LPL: variants seen among roughly 807,000 people sequenced by gnomAD.
The protein encoded by LPL is phospholipase A1.
In LPL, 43 loss-of-function variants were observed where a neutral mutation model predicts 52.2. The ratio of observed to expected loss-of-function variants is 0.82; its 90% CI spans 0.64 to 1.06. The LOEUF (loss-of-function observed/expected upper bound fraction) is 1.06, where lower values mean the gene tolerates loss of function less well. LPL is among the 50% of genes least tolerant of loss of function. LPL has a pLI of 0.00. For synonymous variants in LPL, 244 were observed against 215.6 expected (o/e 1.13, Z -1.15); for missense variants, 639 against 585.3 (o/e 1.09, Z -0.95).
intron 9 of LPL, among the ~76,000 whole-genome samples, chr8:19,964,959 C>T (rs1343462990): frequency 1.3e-5 from 2 of 152,240 alleles, no homozygotes; most frequent in African/African-American, 4.8e-5. Flanking sequence ...CTCACACCTT[C>T]TGCTAACTCC....
rs185670596 is a variant in LPL at position 19,940,900 on chromosome 8, G to C, written c.88+1372G>C. On this transcript the variant is annotated intron_variant, in intron 1 of 9. Transcript: ENST00000650287. Reference sequence around the variant, plus strand: ...GAGCCCAGAAGTTCGAAATCAGCCTGGGCAACATAGGGAGACACCGTCTCT... The same window carrying C: ...GAGCCCAGAAGTTCGAAATCAGCCTCGGCAACATAGGGAGACACCGTCTCT... Among the ~76,000 whole-genome samples the C allele has an allele frequency of 7.7e-3, 1,172 of 152,236 alleles. 17 individuals carry two copies. Among genetic ancestry groups the C allele is most frequent in the African/African-American group, 0.027 (1,105 of 41,528 alleles).
chr8:19,954,041 C>A, intron 4 of LPL, 79 bp from the exon 5 acceptor site: 1 of 981,002 alleles, frequency 1.0e-6, no homozygotes, highest in Non-Finnish European at 1.7e-6. Flanking sequence ...CCAGTGCATT[C>A]AAATGATGAG....
chr8:19,939,361 C>A lies in LPL; in HGVS notation c.-80C>A. 7.1e-7 allele frequency: 1 copy of A among 1,412,472 alleles called. No homozygotes were observed. Among genetic ancestry groups the A allele is most frequent in the Non-Finnish European group, 9.7e-7 (1 of 1,026,178 alleles). 87.5% of individuals were successfully genotyped at this position (1,412,472 alleles called of 1,614,324 possible). On this transcript the variant is annotated 5_prime_UTR_variant, in exon 1 of 10. Transcript: ENST00000650287. The surrounding 1 kb of genome is among the most constrained non-coding windows in gnomAD (Gnocchi z 4.0). Reference sequence around the variant, plus strand: ...CTTGCTCAGCGCCAAACCGCGGCTCCAGCCCTCTCCAGCCTCCGGCTCAGC... The same window carrying A: ...CTTGCTCAGCGCCAAACCGCGGCTCAAGCCCTCTCCAGCCTCCGGCTCAGC...
rs2069936138 is a variant in LPL, at chr8:19,951,776, G to C, written c.257G>C (p.Gly86Ala). Residue 86 changes from glycine to alanine, a missense_variant, in exon 3 of 10, where the codon GGA (glycine) becomes GCA (alanine). Coordinates refer to ENST00000650287, the MANE Select transcript of LPL (RefSeq NM_000237.3). ...FMVIHGWTVTGMYESWVPKLV... is the reference protein window; with the variant it reads ...FMVIHGWTVTAMYESWVPKLV... ...TTGTGTCATCATCTTCAGGTAACAG[G>C]AATGTATGAGAGTTGGGTGCCAAAA... The C allele has an allele frequency of 2.5e-6, 4 of 1,614,062 alleles. No homozygotes were observed. In the African/African-American group the frequency reaches 4.0e-5, roughly 16 times the overall value.
Position 19,944,640 on chromosome 8 carries a change from C to G in LPL, c.89-3540C>G, listed in dbSNP as rs910582634. Among the ~76,000 whole-genome samples, 68 of 152,156 alleles carry G rather than the reference C, an allele frequency of 4.5e-4. No individual in the cohort carries two copies. Among genetic ancestry groups the G allele is most frequent in the African/African-American group, 1.6e-3 (65 of 41,432 alleles). On this transcript the variant is annotated intron_variant, in intron 1 of 9. Coordinates refer to ENST00000650287, the MANE Select transcript of LPL (RefSeq NM_000237.3). The surrounding 1 kb of genome is among the most constrained non-coding windows in gnomAD (Gnocchi z 4.2). ...ATGCTCAACACTTCCCTCTTTCTAG[C>G]AACAAGAATTACCACTCTTCCCCTC...
At chr8:19,945,295 G>A (rs1158936175) in intron 1 of LPL, among the ~76,000 whole-genome samples, 1 of 152,030 alleles carries the variant, frequency 6.6e-6, no homozygotes, top group Non-Finnish European at 1.5e-5. Flanking sequence ...TTCATCTTAC[G>A]ACACTGAGAC....
At chr8:19,956,941 A>T (rs1487535800) in intron 6 of LPL, among the ~76,000 whole-genome samples, 1 of 152,112 alleles carries the variant, frequency 6.6e-6, no homozygotes, top group African/African-American at 2.4e-5. Flanking sequence ...CCCCTGCCTC[A>T]GCCTCCGGAG....
rs2069936138 is a variant in LPL at position 19,951,776 on chromosome 8, G to A, written c.257G>A (p.Gly86Glu). Residue 86 changes from glycine to glutamate, a missense_variant, in exon 3 of 10, where the codon GGA becomes GAA. Gly to Glu is a moderately conservative substitution (Grantham distance 98). Coordinates refer to ENST00000650287, the MANE Select transcript of LPL (RefSeq NM_000237.3). ...FMVIHGWTVT[G>E]MYESWVPKLV... ...TTGTGTCATCATCTTCAGGTAACAGGAATGTATGAGAGTTGGGTGCCAAAA... is the reference window on the plus strand; with the variant it reads ...TTGTGTCATCATCTTCAGGTAACAGAAATGTATGAGAGTTGGGTGCCAAAA... 1.9e-6 allele frequency: 3 copies of A among 1,614,062 alleles called. No individual in the cohort carries two copies. Among genetic ancestry groups the A allele is most frequent in the Admixed American group, 1.7e-5 (1 of 59,998 alleles).
Position 19,948,225 on chromosome 8 carries a change from C to G in LPL, c.134C>G (p.Thr45Ser), listed in dbSNP as rs143944126. The G allele has an allele frequency of 1.9e-6, 3 of 1,614,002 alleles. No individual in the cohort carries two copies. The African/African-American group carries it at 4.0e-5, about 22-fold the overall frequency. The part of the protein sequence containing the change: ...IDIESKFALR[T>S]PEDTAEDTCH... ...ATCGAAAGTAAATTTGCCCTAAGGA[C>G]CCCTGAAGACACAGCTGAGGACACT... The change falls in exon 2 of 10, where the codon ACC becomes AGC. Residue 45 changes from threonine (T) to serine (S), a missense_variant. Coordinates refer to ENST00000650287, the MANE Select transcript of LPL (RefSeq NM_000237.3).
intron 6 of LPL, 24 bp from the exon 7 acceptor site, chr8:19,959,236 A>G: frequency 6.2e-7 from 1 of 1,614,080 alleles, no homozygotes; most frequent in Non-Finnish European, 8.5e-7. Context: ...ATTGATCAAC[A>G]TGTTCGAATT....
chr8:19,963,141 G>A (rs889403774), intron 9 of LPL, among the ~76,000 whole-genome samples: 1 of 152,208 alleles, frequency 6.6e-6, no homozygotes, highest in Non-Finnish European at 1.5e-5. Flanking sequence ...GTTTGCATTT[G>A]GGACAAATGT....
chr8:19,939,517 C>T lies in LPL; in HGVS notation c.77C>T (p.Ala26Val). The T allele has an allele frequency of 6.2e-7, 1 of 1,607,442 alleles. No homozygotes were observed. The highest frequency in any genetic ancestry group is 8.5e-7 in the Non-Finnish European group (1 of 1,177,764). Reference protein sequence around the residue: ...QSLTASRGGVAAADQRRDFID... With the variant: ...QSLTASRGGVVAADQRRDFID... The stretch of plus-strand genomic sequence containing the variant: ...CTGACCGCCTCCCGCGGAGGGGTGG[C>T]CGCCGCCGACCGTAAGTTTTGCGCG... Residue 26 changes from alanine (A) to valine (V), a missense_variant, in exon 1 of 10, where the codon GCC becomes GTC. Transcript: ENST00000650287. The surrounding 1 kb of genome is among the most constrained non-coding windows in gnomAD (Gnocchi z 4.0).
chr8:19,951,948 G>T lies in LPL; in HGVS notation c.429G>T (p.Glu143Asp), dbSNP rs1387566628. 2 of 1,614,160 alleles carry T rather than the reference G, an allele frequency of 1.2e-6. No individual in the cohort carries two copies. The highest frequency in any genetic ancestry group is 1.7e-6 in the Non-Finnish European group (2 of 1,180,020). Residue 143 changes from glutamate (E) to aspartate (D), a missense_variant and splice_region_variant, in exon 3 of 10, where the codon GAG becomes GAT. Glu to Asp is a conservative substitution (Grantham distance 45, BLOSUM62 2). Coordinates refer to ENST00000650287, the MANE Select transcript of LPL (RefSeq NM_000237.3). ...QDVARFINWMEEEFNYPLDNV... is the reference protein window; with the variant it reads ...QDVARFINWMDEEFNYPLDNV... Reference sequence around the variant, plus strand: ...TGGCCCGGTTTATCAACTGGATGGAGGTAAGACTGGGAGAAGGAGACTTAT... The same window carrying T: ...TGGCCCGGTTTATCAACTGGATGGATGTAAGACTGGGAGAAGGAGACTTAT...
At chr8:19,958,117 C>T (rs1178540731) in intron 6 of LPL, among the ~76,000 whole-genome samples, 5 of 151,952 alleles carry the variant, frequency 3.3e-5, no homozygotes, top group Admixed American at 6.6e-5. Context: ...CTTTCCGGTT[C>T]AAGCGATTCT....
At chr8:19,941,100 A>G (rs1047981306) in intron 1 of LPL, among the ~76,000 whole-genome samples, 12 of 152,196 alleles carry the variant, frequency 7.9e-5, no homozygotes, top group African/African-American at 2.7e-4. Flanking sequence ...ATAAAATTAA[A>G]ACAAAACAAA....
intron 6 of LPL, among the ~76,000 whole-genome samples, chr8:19,957,513 CACAG>C (rs2069996536): frequency 6.6e-6 from 1 of 152,198 alleles, no homozygotes; most frequent in Non-Finnish European, 1.5e-5. Flanking sequence ...ATCTTGAAGA[CACAG>C]ACAGGCTTCA....
At position 19,954,113 on chromosome 8, in the gene LPL, T is replaced by A; in HGVS notation, c.542-7T>A. On this transcript the variant is annotated splice_polypyrimidine_tract_variant and splice_region_variant and intron_variant, in intron 4 of 9. Transcript: ENST00000650287. ...AAATCTGTGTTCCTGCTTTTTTCCC[T>A]TTTAAGGCCTCGATCCAGCTGGACC... 1 of 1,609,100 alleles carries A rather than the reference T, an allele frequency of 6.2e-7. No individual in the cohort carries two copies. The highest frequency in any genetic ancestry group is 8.5e-7 in the Non-Finnish European group (1 of 1,175,368).
intron 5 of LPL, among the ~76,000 whole-genome samples, chr8:19,955,594 A>G (rs576872419): frequency 6.6e-6 from 1 of 152,330 alleles, no homozygotes; most frequent in East Asian, 1.9e-4. Flanking sequence ...AAACATACTC[A>G]TAAATATAAG....
intron 5 of LPL, among the ~76,000 whole-genome samples, chr8:19,955,137 A>G (rs922896275): frequency 6.6e-6 from 1 of 152,232 alleles, no homozygotes; most frequent in African/African-American, 2.4e-5. Flanking sequence ...AAAAACTTAC[A>G]AGGAATTCAT....
Sources: allele counts gnomAD v4.1 joint callset (sites outside exome capture counted in the v4.1 genomes callset), GRCh38; gene constraint gnomAD v4.1.1; non-coding constraint Gnocchi (gnomAD v3.1); transcripts MANE v1.5; gene names NCBI Gene and HGNC (gene_info 2026-07-23, HGNC 2026-07-21).